Variants in EFCAB5 observed in about 807,000 individuals in gnomAD.
The protein encoded by EFCAB5 is EF-hand calcium-binding domain-containing protein 5.
Under a neutral mutation model 167.9 loss-of-function variants are expected in EFCAB5, and 131 were observed. The ratio of observed to expected loss-of-function variants is 0.78; its 90% CI spans 0.68 to 0.90. The LOEUF is 0.90. Ranked by LOEUF, EFCAB5 falls within the 40% of genes least tolerant of loss-of-function variation. The pLI is 0.00. For synonymous variants in EFCAB5, 574 were observed against 602.8 expected (o/e 0.95, Z 0.70); for missense variants, 1,663 against 1,745.2 (o/e 0.95, Z 0.84).
intron 7 of EFCAB5, among the ~76,000 whole-genome samples, chr17:30,012,506 GA>G (rs2068929342): frequency 6.6e-6 from 1 of 152,170 alleles, no homozygotes; most frequent in Non-Finnish European, 1.5e-5. Flanking sequence ...GCCAGGCAGG[GA>G]AGGGCCCCCT....
chr17:30,087,135 C>G lies in EFCAB5; in HGVS notation c.3652C>G (p.Pro1218Ala). Residue 1218 changes from proline to alanine, a missense_variant, in exon 19 of 23, where the codon CCT (proline) becomes GCT (alanine). Coordinates refer to ENST00000394835, the MANE Select transcript of EFCAB5 (RefSeq NM_198529.4). Reference sequence around the variant, plus strand: ...TCTAACAGAAATCCACAAAAATCCTCCTACCATCCACAGGAAGTCATGCAT... The same window carrying G: ...TCTAACAGAAATCCACAAAAATCCTGCTACCATCCACAGGAAGTCATGCAT... Reference protein sequence around the residue: ...LGLTEIHKNPPTIHRKSCIFR... With the variant: ...LGLTEIHKNPATIHRKSCIFR... The G allele has an allele frequency of 1.9e-6, 3 of 1,613,676 alleles. No individual in the cohort carries two copies. Among genetic ancestry groups the G allele is most frequent in the Non-Finnish European group, 2.5e-6 (3 of 1,179,708 alleles).
intron 6 of EFCAB5, among the ~76,000 whole-genome samples, chr17:29,999,689 C>G (rs1265798174): frequency 6.6e-6 from 1 of 150,472 alleles, no homozygotes; most frequent in African/African-American, 2.4e-5. Context: ...AATATAGGCT[C>G]TTTTTTTTTA....
At chr17:30,081,979 G>C (rs2070996171) in intron 17 of EFCAB5, among the ~76,000 whole-genome samples, 1 of 152,132 alleles carries the variant, frequency 6.6e-6, no homozygotes, top group African/African-American at 2.4e-5. Flanking sequence ...TAATATAAAA[G>C]GCATATAATT....
intron 22 of EFCAB5, among the ~76,000 whole-genome samples, chr17:30,101,273 C>T (rs1485281697): frequency 1.3e-5 from 2 of 152,172 alleles, no homozygotes. Flanking sequence ...GAGAGACCAA[C>T]TAGAGGAGTT....
At chr17:29,933,696 G>A (rs1348548101) in intron 1 of EFCAB5, among the ~76,000 whole-genome samples, 1 of 152,156 alleles carries the variant, frequency 6.6e-6, no homozygotes, top group Non-Finnish European at 1.5e-5. Flanking sequence ...AATTATAGGG[G>A]AGCTTGAAAT....
At chr17:30,030,264 T>C (rs2069444196) in intron 7 of EFCAB5, among the ~76,000 whole-genome samples, 1 of 152,116 alleles carries the variant, frequency 6.6e-6, no homozygotes, top group Non-Finnish European at 1.5e-5. Context: ...AGACTATAGC[T>C]CCAGAATATT....
At chr17:30,035,486 C>G (rs1276698045) in intron 8 of EFCAB5, among the ~76,000 whole-genome samples, 1 of 152,128 alleles carries the variant, frequency 6.6e-6, no homozygotes, top group African/African-American at 2.4e-5. Context: ...GAGCATTAAA[C>G]TGACAGAAGA....
chr17:30,038,413 A>C (rs2069682028), intron 8 of EFCAB5, among the ~76,000 whole-genome samples: 1 of 152,212 alleles, frequency 6.6e-6, no homozygotes, highest in Non-Finnish European at 1.5e-5. Context: ...GTGGAGACCT[A>C]CTGCTCAGAA....
rs2070914899 is a variant in EFCAB5, at chr17:30,078,462, C to G, written c.2985C>G (p.Ser995=). Residue 995 remains serine, a synonymous_variant, in exon 15 of 23, where the codon TCC becomes TCG. Transcript: ENST00000394835. ...IQCAAETSGV[S]LEPVYSETFK... ...GTGCTGCAGAGACAAGTGGGGTGTC[C>G]CTAGAGCCGGTGTATAGTGAGACCT... 1.9e-6 allele frequency: 3 copies of G among 1,613,042 alleles called. No homozygotes were observed. Among genetic ancestry groups the G allele is most frequent in the Non-Finnish European group, 1.7e-6 (2 of 1,179,394 alleles).
At chr17:29,935,098 T>G (rs1420498215) in intron 1 of EFCAB5, among the ~76,000 whole-genome samples, 2 of 152,238 alleles carry the variant, frequency 1.3e-5, no homozygotes, top group African/African-American at 2.4e-5. Flanking sequence ...AATTTGGGCA[T>G]AATTATAAGT....
At position 29,969,323 on chromosome 17, in the gene EFCAB5, C is replaced by T. The variant is rs2151579243; in HGVS notation, c.723C>T (p.Val241=). 2 of 1,609,624 alleles carry T rather than the reference C, an allele frequency of 1.2e-6. No individual in the cohort carries two copies. The highest frequency in any genetic ancestry group is 2.2e-5 in the South Asian group (2 of 90,212). Residue 241 remains valine (V), a synonymous_variant, in exon 4 of 23, where the codon GTC becomes GTT. Transcript: ENST00000394835. ...GTTACCAGAGGTTGATGAAAGAAGT[C>T]ACAGAAGACCTGAAGATATATGTTC... ...MSGYQRLMKE[V]TEDLKIYVPD...
At chr17:29,975,112 A>G (rs1336240688) in intron 4 of EFCAB5, among the ~76,000 whole-genome samples, 1 of 152,154 alleles carries the variant, frequency 6.6e-6, no homozygotes, top group Non-Finnish European at 1.5e-5. Flanking sequence ...CTTTTGAGCC[A>G]TACAAAACCA....
At chr17:30,011,041 T>G (rs572755333) in intron 7 of EFCAB5, among the ~76,000 whole-genome samples, 55 of 152,364 alleles carry the variant, frequency 3.6e-4, no homozygotes, top group East Asian at 2.5e-3. Flanking sequence ...CAGCACCATT[T>G]ATTAAATAGG....
rs200887371 is a variant in EFCAB5 at position 30,031,021 on chromosome 17, A to AT, written c.1045-3200dup. On this transcript the variant is annotated intron_variant, in intron 7 of 22. Coordinates refer to ENST00000394835, the MANE Select transcript of EFCAB5 (RefSeq NM_198529.4). ...AAAATTGGTGTTCTTCCAAATACCA[A>AT]TTTTTTTTTCAGCATTAGAGGATTG... 2.1e-4 allele frequency among the ~76,000 whole-genome samples: 32 copies of AT among 151,596 alleles called. No homozygotes were observed. In the East Asian group the frequency reaches 2.7e-3, roughly 13 times the overall value.
At chr17:30,090,907 A>T (rs2071183633) in intron 20 of EFCAB5, among the ~76,000 whole-genome samples, 2 of 152,226 alleles carry the variant, frequency 1.3e-5, no homozygotes, top group African/African-American at 2.4e-5. Flanking sequence ...TTAGAGCTGG[A>T]AGGGCTCATA....
intron 7 of EFCAB5, among the ~76,000 whole-genome samples, chr17:30,029,694 T>C (rs2069427467): frequency 6.6e-6 from 1 of 152,182 alleles, no homozygotes. Flanking sequence ...CTGTACTCCT[T>C]GTTTGCACTC....
chr17:29,960,000 G>GT (rs2067688619), intron 3 of EFCAB5, among the ~76,000 whole-genome samples: 1 of 152,138 alleles, frequency 6.6e-6, no homozygotes, highest in Admixed American at 6.5e-5. Flanking sequence ...TGGAACTCAG[G>GT]TACTGACTGC....
intron 7 of EFCAB5, among the ~76,000 whole-genome samples, chr17:30,003,262 T>G (rs9900911): frequency 0.61 from 92,822 of 151,882 alleles, 30,320 homozygotes; most frequent in African/African-American, 0.85. Flanking sequence ...TTCAGACAGG[T>G]TCTTGCTCTG....
intron 7 of EFCAB5, among the ~76,000 whole-genome samples, chr17:30,013,185 G>A (rs1021147258): frequency 1.3e-5 from 2 of 152,126 alleles, no homozygotes; most frequent in Non-Finnish European, 2.9e-5. Context: ...TTTTTGATGT[G>A]CTGCTGGATT....
Sources: gnomAD v4.1 joint callset for allele counts (sites outside exome capture counted in the v4.1 genomes callset) on GRCh38, gnomAD v4.1.1 for gene constraint, MANE v1.5 for transcripts, NCBI Gene and HGNC (gene_info 2026-07-23, HGNC 2026-07-21) for gene names.